Variants in UNC80 observed in about 807,000 individuals in gnomAD.
UNC80 encodes the protein protein unc-80 homolog.
In UNC80, 164 loss-of-function variants were observed where a neutral mutation model predicts 384.6. The observed-to-expected ratio is 0.43, with a 90% CI of 0.38 to 0.49. The LOEUF (loss-of-function observed/expected upper bound fraction) is 0.49. Among genes scored for constraint, UNC80 ranks in the 20% least tolerant of loss-of-function variants. The pLI is 0.00. For missense variants in UNC80, 3,330 were observed against 4,143.0 expected (o/e 0.80, Z 5.39); for synonymous variants, 1,486 against 1,527.8 (o/e 0.97, Z 0.64).
intron 29 of UNC80, 127 bp downstream of exon 29, chr2:209,905,092 T>C (rs2088023718): frequency 2.2e-6 from 2 of 928,778 alleles, no homozygotes; most frequent in African/African-American, 1.6e-5. Flanking sequence ...CATCTAAACA[T>C]AAGCAGAAGA....
chr2:209,878,728 T>C (rs1464858493), intron 24 of UNC80, among the ~76,000 whole-genome samples: 1 of 152,222 alleles, frequency 6.6e-6, no homozygotes, highest in Admixed American at 6.5e-5. Flanking sequence ...ACGTGTGTTC[T>C]ATACCATACA....
Position 209,955,754 on chromosome 2 carries a change from CACACAGAG to C in UNC80, c.7457+1486_7457+1493del, listed in dbSNP as rs1292575801. ...ATATATATATACACACACACACACA[CACACAGAG>C]AGAGACTGACTCACTCTGTCACCCA... On this transcript the variant is annotated intron_variant, in intron 48 of 64. Transcript: ENST00000673920. Among the ~76,000 whole-genome samples the C allele has an allele frequency of 1.6e-4, 19 of 118,918 alleles. 1 individual carries two copies. The highest frequency in any genetic ancestry group is 1.6e-4 in the Non-Finnish European group (9 of 55,936). 78.0% of individuals were successfully genotyped at this position (118,918 alleles called of 152,430 possible).
intron 28 of UNC80, among the ~76,000 whole-genome samples, chr2:209,902,311 T>C: frequency 6.6e-6 from 1 of 152,154 alleles, no homozygotes; most frequent in East Asian, 1.9e-4. Context: ...AAGAAAGTAA[T>C]TTCTTGAGAT....
intron 59 of UNC80, 131 bp downstream of exon 59, chr2:209,978,839 G>A: frequency 3.4e-6 from 3 of 877,972 alleles, no homozygotes; most frequent in Non-Finnish European, 4.7e-6. Flanking sequence ...GGAGTTCTAG[G>A]GGAAATGTGA....
intron 21 of UNC80, among the ~76,000 whole-genome samples, chr2:209,844,883 A>G (rs1273817031): frequency 6.6e-6 from 1 of 151,910 alleles, no homozygotes; most frequent in Non-Finnish European, 1.5e-5. Flanking sequence ...GATTACAGGC[A>G]TGAACCACCA....
At chr2:209,989,842 A>G (rs2093360009) in intron 61 of UNC80, among the ~76,000 whole-genome samples, 1 of 152,256 alleles carries the variant, frequency 6.6e-6, no homozygotes, top group Non-Finnish European at 1.5e-5. Flanking sequence ...TGTATAAATT[A>G]TCATTGTGAA....
chr2:209,774,293 TG>T (rs1428403053), intron 2 of UNC80, among the ~76,000 whole-genome samples: 1 of 152,226 alleles, frequency 6.6e-6, no homozygotes, highest in East Asian at 1.9e-4. Context: ...GACCTTTTAA[TG>T]GAATTTGTCA....
intron 14 of UNC80, among the ~76,000 whole-genome samples, chr2:209,828,560 A>C (rs2080721199): frequency 6.6e-6 from 1 of 152,016 alleles, no homozygotes; most frequent in Non-Finnish European, 1.5e-5. Context: ...TTGATTTGTC[A>C]AAATGATGAT....
chr2:209,786,635 C>A (rs1400940391), intron 5 of UNC80, among the ~76,000 whole-genome samples: 1 of 152,088 alleles, frequency 6.6e-6, no homozygotes, highest in Admixed American at 6.6e-5. Flanking sequence ...CAAAGCATTT[C>A]TCTTCAGGAA....
intron 14 of UNC80, 77 bp from the exon 15 acceptor site, chr2:209,829,155 G>A (rs1045298310): frequency 1.3e-5 from 20 of 1,505,596 alleles, no homozygotes; most frequent in Non-Finnish European, 1.7e-5. Flanking sequence ...CCTTCTGAAG[G>A]CTTCTGTCTC....
intron 7 of UNC80, chr2:209,796,210 C>A (rs1343486943): frequency 6.6e-6 from 1 of 152,258 alleles, no homozygotes; most frequent in African/African-American, 2.4e-5. Flanking sequence ...GACTGTCCTG[C>A]TGGACTTTGG....
At chr2:209,853,103 TCCG>T (rs1224736136) in intron 22 of UNC80, among the ~76,000 whole-genome samples, 6 of 152,054 alleles carry the variant, frequency 3.9e-5, no homozygotes, top group African/African-American at 1.4e-4. Flanking sequence ...AGTTATAGAT[TCCG>T]CCATTTCATC....
In UNC80 at chr2:209,995,782, G is replaced by A. The variant is rs1445052560; in HGVS notation, c.*187G>A. 4.6e-6 allele frequency: 3 copies of A among 649,176 alleles called. No homozygotes were observed. Among genetic ancestry groups the A allele is most frequent in the Admixed American group, 3.2e-5 (1 of 31,616 alleles). The allele number at this position is 649,176 out of a possible 1,614,324, so 40.2% of individuals were successfully genotyped here. A position where few individuals can be genotyped will look rare whatever the true frequency, so the allele number is the denominator to read the frequency against. On this transcript the variant is annotated 3_prime_UTR_variant, in exon 65 of 65. Coordinates refer to ENST00000673920, the MANE Select transcript of UNC80 (RefSeq NM_001371986.1). ...TTTCATAAACATCTTAAAAGTCAAT[G>A]GCTAAAAGGATTTAGTTGTGTGAAA... is the stretch of plus-strand genomic sequence containing the variant.
intron 24 of UNC80, among the ~76,000 whole-genome samples, chr2:209,879,875 A>G (rs937622035): frequency 2.6e-5 from 4 of 151,300 alleles, no homozygotes; most frequent in African/African-American, 9.8e-5. Flanking sequence ...CCTGAAAAAA[A>G]CGATAGCTTA....
In UNC80 at chr2:209,971,101, G is replaced by A. The variant is rs1327244458; in HGVS notation, c.8256+144G>A. ...ATCTCTAAACTTTTATAGATTTGGA[G>A]CTTCAGCCCTGAGCTTGGCCCTAAG... is the stretch of plus-strand genomic sequence containing the variant. On this transcript the variant is annotated intron_variant, in intron 54 of 64. Coordinates refer to ENST00000673920, the MANE Select transcript of UNC80 (RefSeq NM_001371986.1). 1.3e-5 allele frequency: 15 copies of A among 1,179,406 alleles called. No homozygotes were observed. The East Asian group carries it at 3.4e-4, about 27-fold the overall frequency. 73.1% of individuals were successfully genotyped at this position (1,179,406 alleles called of 1,614,324 possible). A position where few individuals can be genotyped will look rare whatever the true frequency, so the allele number is the denominator to read the frequency against.
At chr2:209,842,265 C>T (rs1386443487) in intron 20 of UNC80, 85 bp from the exon 21 acceptor site, 4 of 993,142 alleles carry the variant, frequency 4.0e-6, no homozygotes, top group Non-Finnish European at 5.9e-6. Context: ...GTAAACAACT[C>T]ATTTTCAAGT....
chr2:209,819,444 T>C (rs910323324), intron 12 of UNC80, among the ~76,000 whole-genome samples, 183 bp downstream of exon 12: 9 of 152,198 alleles, frequency 5.9e-5, no homozygotes, highest in Non-Finnish European at 8.8e-5. Flanking sequence ...TACTTTTTTT[T>C]CAAGCATTGC....
chr2:209,976,724 A>G lies in UNC80; in HGVS notation c.8773-189A>G, dbSNP rs768354774. On this transcript the variant is annotated intron_variant, in intron 57 of 64. Coordinates refer to ENST00000673920, the MANE Select transcript of UNC80 (RefSeq NM_001371986.1). This position sits in a 1 kb window ranked among gnomAD's most constrained non-coding sequence, Gnocchi z 4.3. ...GTACCCATCTACACTTGGTCTTTTCATGCCTCAGTTTCTTAGGGCAGTGAT... is the reference window on the plus strand; with the variant it reads ...GTACCCATCTACACTTGGTCTTTTCGTGCCTCAGTTTCTTAGGGCAGTGAT... 2.0e-5 allele frequency among the ~76,000 whole-genome samples: 3 copies of G among 152,188 alleles called. 1 individual carries two copies. The highest frequency in any genetic ancestry group is 7.2e-5 in the African/African-American group (3 of 41,438).
rs191250043 is a variant in UNC80 at position 209,887,682 on chromosome 2, C to G, written c.4111-413C>G. On this transcript the variant is annotated intron_variant, in intron 25 of 64. Transcript: ENST00000673920. ...CCTTCTCAGTTTCTATCTTGGGATT[C>G]TGAACTCCTTTAGAGATTAAAAAAA... 3.3e-5 allele frequency among the ~76,000 whole-genome samples: 5 copies of G among 152,270 alleles called. 1 individual carries two copies. In the East Asian group the frequency reaches 9.7e-4, roughly 29 times the overall value.
Sources: allele counts gnomAD v4.1 joint callset (sites outside exome capture counted in the v4.1 genomes callset), GRCh38; gene constraint gnomAD v4.1.1; non-coding constraint Gnocchi (gnomAD v3.1); transcripts MANE v1.5; gene names NCBI Gene and HGNC (gene_info 2026-07-23, HGNC 2026-07-21).